DSCAM: variants seen among roughly 807,000 people sequenced by gnomAD.
DSCAM encodes the protein DS cell adhesion molecule.
A neutral mutation model predicts 217.7 loss-of-function variants in DSCAM; 47 were observed. That is an observed-to-expected ratio of 0.22 (90% CI 0.17 to 0.28). DSCAM has a LOEUF of 0.28. Ranked by LOEUF, DSCAM falls within the 10% of genes least tolerant of loss-of-function variation. The probability of loss-of-function intolerance (pLI) is 1.00; values close to 1 mark genes in which losing one functional copy is unlikely to be tolerated. For synonymous variants in DSCAM, 1,056 were observed against 1,015.3 expected, an observed-to-expected ratio of 1.04 and a Z score of -0.76; for missense variants, 2,080 against 2,618.3, an observed-to-expected ratio of 0.79 and a Z score of 4.49.
intron 3 of DSCAM, among the ~76,000 whole-genome samples, chr21:40,641,310 G>A (rs765696910): frequency 4.6e-5 from 7 of 152,164 alleles, no homozygotes; most frequent in Non-Finnish European, 7.4e-5. Flanking sequence ...AGCTAGATGA[G>A]TGTTATACAA....
chr21:40,445,985 G>C (rs866770222), intron 3 of DSCAM, among the ~76,000 whole-genome samples: 26 of 152,144 alleles, frequency 1.7e-4, no homozygotes, highest in Admixed American at 7.9e-4. Flanking sequence ...ATGAACACAT[G>C]GCTTAATGAG....
At chr21:40,585,850 C>T (rs2076942539) in intron 3 of DSCAM, among the ~76,000 whole-genome samples, 1 of 152,062 alleles carries the variant, frequency 6.6e-6, no homozygotes, top group African/African-American at 2.4e-5. Context: ...CTTCCCTGTG[C>T]TCATTTTGTT....
At chr21:40,482,585 C>T (rs989014424) in intron 3 of DSCAM, among the ~76,000 whole-genome samples, 12 of 152,080 alleles carry the variant, frequency 7.9e-5, no homozygotes, top group African/African-American at 2.7e-4. Flanking sequence ...AAATCAAAAC[C>T]AGAGAAATCA....
intron 1 of DSCAM, among the ~76,000 whole-genome samples, chr21:40,841,915 G>A (rs965771624): frequency 3.9e-5 from 6 of 152,258 alleles, no homozygotes; most frequent in African/African-American, 1.2e-4. Flanking sequence ...AACAAAGGCT[G>A]CTGGACCTCG....
intron 3 of DSCAM, among the ~76,000 whole-genome samples, chr21:40,455,458 G>A (rs559626936): frequency 6.6e-6 from 1 of 152,166 alleles, no homozygotes; most frequent in Non-Finnish European, 1.5e-5. Flanking sequence ...TCCAGAAGAG[G>A]AAGAATTGCA....
At chr21:40,753,480 CA>C (rs1460005377) in intron 1 of DSCAM, among the ~76,000 whole-genome samples, 1 of 152,172 alleles carries the variant, frequency 6.6e-6, no homozygotes, top group Non-Finnish European at 1.5e-5. Flanking sequence ...CACATTTATA[CA>C]AAGTGTCAAT....
chr21:40,699,068 C>T (rs1301184227), intron 2 of DSCAM, among the ~76,000 whole-genome samples: 1 of 152,064 alleles, frequency 6.6e-6, no homozygotes, highest in South Asian at 2.1e-4. Context: ...CACCATTTTT[C>T]CAGCAGCATG....
chr21:40,111,511 C>T (rs1209456730), intron 20 of DSCAM, among the ~76,000 whole-genome samples: 8 of 152,144 alleles, frequency 5.3e-5, no homozygotes, highest in South Asian at 4.2e-4. Flanking sequence ...CATCAACTAA[C>T]GAGCAAAATA....
intron 16 of DSCAM, among the ~76,000 whole-genome samples, chr21:40,149,543 TCAC>T (rs1401378043): frequency 3.6e-5 from 5 of 138,976 alleles, no homozygotes; most frequent in Non-Finnish European, 6.1e-5. Context: ...AACACCACTG[TCAC>T]CACAACATCC....
chr21:40,142,494 G>T (rs11701139), intron 18 of DSCAM, 64 bp downstream of exon 18: 20 of 1,587,232 alleles, frequency 1.3e-5, no homozygotes, highest in Non-Finnish European at 1.5e-5. Context: ...AACTAGGAGG[G>T]GTCTGCAAAT....
chr21:40,484,906 G>A (rs2032048519), intron 3 of DSCAM, among the ~76,000 whole-genome samples: 1 of 152,150 alleles, frequency 6.6e-6, no homozygotes, highest in South Asian at 2.1e-4. Context: ...TTTTGGTGAC[G>A]CCAACAGTCC....
At chr21:40,286,762 C>A (rs555731888) in intron 10 of DSCAM, among the ~76,000 whole-genome samples, 86 of 140,702 alleles carry the variant, frequency 6.1e-4, no homozygotes, top group Non-Finnish European at 8.9e-4. Context: ...GCAGTGTGAT[C>A]CACAGGTGGA....
intron 3 of DSCAM, among the ~76,000 whole-genome samples, chr21:40,580,924 A>G (rs1348609295): frequency 6.6e-6 from 1 of 152,260 alleles, no homozygotes; most frequent in East Asian, 1.9e-4. Context: ...ACTGGAAACA[A>G]ATTAGCTCAA....
At chr21:40,376,190 G>T (rs1364380483) in intron 3 of DSCAM, among the ~76,000 whole-genome samples, 1 of 152,092 alleles carries the variant, frequency 6.6e-6, no homozygotes, top group African/African-American at 2.4e-5. Flanking sequence ...GCACAAGCAC[G>T]ATGAAGCTTT....
chr21:40,264,360 T>G (rs1410782340), intron 11 of DSCAM, among the ~76,000 whole-genome samples: 1 of 152,040 alleles, frequency 6.6e-6, no homozygotes, highest in Non-Finnish European at 1.5e-5. Context: ...ATCAAAAAAA[T>G]AATTCACCAT....
intron 3 of DSCAM, among the ~76,000 whole-genome samples, chr21:40,371,382 A>G (rs76313858): frequency 0.016 from 2,472 of 151,900 alleles, 60 homozygotes; most frequent in African/African-American, 0.056. Flanking sequence ...TTTAATAATC[A>G]GTTCCTTTAA....
intron 3 of DSCAM, among the ~76,000 whole-genome samples, chr21:40,652,293 C>A (rs2090022984): frequency 6.6e-6 from 1 of 151,254 alleles, no homozygotes; most frequent in South Asian, 2.1e-4. Context: ...ACATCCTGCA[C>A]ATGTGCCCCT....
At chr21:40,630,190 A>G (rs894634855) in intron 3 of DSCAM, among the ~76,000 whole-genome samples, 8 of 152,226 alleles carry the variant, frequency 5.3e-5, no homozygotes, top group Admixed American at 5.2e-4. Flanking sequence ...GAACGGACAC[A>G]TTTGACAGAA....
rs200879852 is a variant in DSCAM, at chr21:40,722,817, T to TA, written c.44-14047dup. 5.3e-3 allele frequency among the ~76,000 whole-genome samples: 802 copies of TA among 151,656 alleles called. 14 individuals carry two copies. In the East Asian group the frequency reaches 0.066, roughly 12 times the overall value. On this transcript the variant is annotated intron_variant, in intron 1 of 32. Coordinates refer to ENST00000400454, the MANE Select transcript of DSCAM (RefSeq NM_001389.5). The stretch of plus-strand genomic sequence containing the variant: ...TATAAAGAAACTGATAGACCAAAAG[T>TA]AAAAAAAATAGAAAAAATATAAGCT...
Sources: gnomAD v4.1 joint callset for allele counts (sites outside exome capture counted in the v4.1 genomes callset) on GRCh38, gnomAD v4.1.1 for gene constraint, MANE v1.5 for transcripts, NCBI Gene and HGNC (gene_info 2026-07-23, HGNC 2026-07-21) for gene names.